ADGRB3: variants seen among roughly 807,000 people sequenced by gnomAD.
ADGRB3 encodes adhesion G protein-coupled receptor B3.
Under a neutral mutation model 193.4 loss-of-function variants are expected in ADGRB3, and 37 were observed. That is an observed-to-expected ratio of 0.19 (90% confidence interval 0.15 to 0.25). ADGRB3 has a LOEUF of 0.25. Ranked by LOEUF, ADGRB3 falls within the 10% of genes least tolerant of loss-of-function variation. The pLI, the probability that ADGRB3 is intolerant of heterozygous loss-of-function variation, is 1.00. For synonymous variants in ADGRB3, 690 were observed against 644.2 expected, an observed-to-expected ratio of 1.07 and a Z score of -1.08; for missense variants, 1,637 against 1,852.9, an observed-to-expected ratio of 0.88 and a Z score of 2.14.
At chr6:68,995,448 C>T (rs1263525623) in intron 11 of ADGRB3, among the ~76,000 whole-genome samples, 2 of 152,012 alleles carry the variant, frequency 1.3e-5, no homozygotes, top group Admixed American at 1.3e-4. Context: ...TTAATGTGAC[C>T]AGTTTATATT....
intron 3 of ADGRB3, among the ~76,000 whole-genome samples, chr6:68,787,305 CTTA>C (rs1410580865): frequency 6.6e-6 from 1 of 152,094 alleles, no homozygotes; most frequent in African/African-American, 2.4e-5. Flanking sequence ...ATAGATCGCT[CTTA>C]TTATTTTGAG....
At chr6:69,326,151 G>A (rs1768563342) in intron 21 of ADGRB3, among the ~76,000 whole-genome samples, 1 of 152,164 alleles carries the variant, frequency 6.6e-6, no homozygotes, top group African/African-American at 2.4e-5. Context: ...GCTAAGGTGG[G>A]AGGATTGCAT....
chr6:68,887,577 C>A, intron 3 of ADGRB3, among the ~76,000 whole-genome samples: 1 of 152,146 alleles, frequency 6.6e-6, no homozygotes, highest in Middle Eastern at 3.4e-3. Flanking sequence ...AAAAAAATTT[C>A]TGTGCCATGA....
At chr6:69,330,996 C>T (rs1182043245) in intron 23 of ADGRB3, among the ~76,000 whole-genome samples, 4 of 152,058 alleles carry the variant, frequency 2.6e-5, no homozygotes, top group African/African-American at 9.7e-5. Flanking sequence ...AATATATTCT[C>T]GACCTCAGTG....
chr6:69,371,252 T>G (rs1039083536), intron 29 of ADGRB3, among the ~76,000 whole-genome samples: 3 of 152,124 alleles, frequency 2.0e-5, no homozygotes, highest in Admixed American at 6.6e-5. Context: ...ACAGTGAGGT[T>G]CTGATTCTGT....
intron 16 of ADGRB3, among the ~76,000 whole-genome samples, chr6:69,074,271 T>A (rs967066889): frequency 1.3e-5 from 2 of 152,128 alleles, no homozygotes; most frequent in Admixed American, 6.5e-5. Flanking sequence ...TATGTAAGGT[T>A]TGAGTGAATT....
intron 3 of ADGRB3, among the ~76,000 whole-genome samples, chr6:68,742,999 C>A (rs1297633785): frequency 6.6e-6 from 1 of 151,946 alleles, no homozygotes; most frequent in Non-Finnish European, 1.5e-5. Context: ...ATTCTTACAG[C>A]TCAGTTTACC....
chr6:69,358,065 G>T (rs1397338119), intron 28 of ADGRB3, among the ~76,000 whole-genome samples: 1 of 151,706 alleles, frequency 6.6e-6, no homozygotes, highest in African/African-American at 2.4e-5. Context: ...CTTCAGTGTT[G>T]TTTTTTTCAG....
intron 3 of ADGRB3, among the ~76,000 whole-genome samples, chr6:68,787,108 A>G (rs1052196337): frequency 1.3e-5 from 2 of 152,160 alleles, no homozygotes; most frequent in African/African-American, 4.8e-5. Flanking sequence ...AACAGGGACA[A>G]TTTGACTTCC....
intron 3 of ADGRB3, among the ~76,000 whole-genome samples, chr6:68,883,121 AG>A (rs1765780022): frequency 6.6e-6 from 1 of 152,058 alleles, no homozygotes; most frequent in Admixed American, 6.6e-5. Flanking sequence ...GTCTAGCTAA[AG>A]GATTGTAAAT....
chr6:68,817,303 C>CAATA (rs1767649039), intron 3 of ADGRB3, among the ~76,000 whole-genome samples: 3 of 32,726 alleles, frequency 9.2e-5, no homozygotes, highest in Non-Finnish European at 2.2e-4. Context: ...TCCCTTTTGT[C>CAATA]CATGTATATA....
intron 20 of ADGRB3, among the ~76,000 whole-genome samples, chr6:69,287,381 T>A (rs971786464): frequency 1.3e-5 from 2 of 152,204 alleles, no homozygotes; most frequent in Admixed American, 1.3e-4. Context: ...ATGTGAATTT[T>A]ATTTAAAAAA....
chr6:69,331,601 A>G (rs1432625725), intron 23 of ADGRB3: 1 of 985,292 alleles, frequency 1.0e-6, no homozygotes, highest in Non-Finnish European at 1.2e-6. Context: ...AGAAAAATAA[A>G]ATCAAGGCAA....
intron 3 of ADGRB3, among the ~76,000 whole-genome samples, chr6:68,755,788 C>A (rs558190474): frequency 1.3e-5 from 2 of 152,204 alleles, no homozygotes; most frequent in African/African-American, 4.8e-5. Context: ...CTCAAACACA[C>A]GGGAAATATT....
chr6:68,758,398 G>C (rs1002716318), intron 3 of ADGRB3, among the ~76,000 whole-genome samples: 2 of 151,766 alleles, frequency 1.3e-5, no homozygotes, highest in African/African-American at 4.8e-5. Flanking sequence ...ACTATTTCTT[G>C]TTCTACCTCA....
At chr6:68,644,679 A>G (rs1277827577) in intron 3 of ADGRB3, among the ~76,000 whole-genome samples, 1 of 152,210 alleles carries the variant, frequency 6.6e-6, no homozygotes, top group Non-Finnish European at 1.5e-5. Context: ...AAGTATAACA[A>G]AATGCCACAA....
chr6:69,109,064 G>A (rs963578309), intron 17 of ADGRB3, among the ~76,000 whole-genome samples: 3 of 152,136 alleles, frequency 2.0e-5, no homozygotes, highest in Non-Finnish European at 4.4e-5. Context: ...AGCCACTGAA[G>A]GGCATTCAAT....
At chr6:69,172,643 C>CAAAAAAAAAAAAA (rs70987454) in intron 17 of ADGRB3, among the ~76,000 whole-genome samples, 28 of 26,832 alleles carry the variant, frequency 1.0e-3, no homozygotes, top group Non-Finnish European at 1.3e-3. Context: ...GACTCTGTCT[C>CAAAAAAAAAAAAA]AAAAAAAAAA....
At chr6:69,040,349 CTT>C (rs1327846038) in intron 13 of ADGRB3, among the ~76,000 whole-genome samples, 104 of 53,980 alleles carry the variant, frequency 1.9e-3, no homozygotes, top group South Asian at 9.5e-3. Context: ...TTCTTTCTTT[CTT>C]TCTTTCTTTC....
Sources: allele counts gnomAD v4.1 joint callset (sites outside exome capture counted in the v4.1 genomes callset), GRCh38; gene constraint gnomAD v4.1.1; transcripts MANE v1.5; gene names NCBI Gene and HGNC (gene_info 2026-07-23, HGNC 2026-07-21).